The following CLDN25 variants were observed in gnomAD, a reference collection of about 807,000 sequenced individuals.
CLDN25 encodes the protein claudin-25.
For missense variants in CLDN25, 286 were observed against 279.7 expected (o/e 1.02, Z -0.16); for synonymous variants, 117 against 112.7 (o/e 1.04, Z -0.24).
exon 1 of CLDN25, chr11:113,780,254 C>T (rs376808395): frequency 1.2e-6 from 2 of 1,613,798 alleles, no homozygotes; most frequent in Non-Finnish European, 1.7e-6. Flanking sequence ...ATGACAGCAT[C>T]CCTGACATCA....
At chr11:113,780,133 T>C in exon 1 of CLDN25, 1 of 1,613,976 alleles carries the variant, frequency 6.2e-7, no homozygotes, top group East Asian at 2.2e-5. Flanking sequence ...ATCAGATGGG[T>C]ATTCAAGAGG....
At chr11:113,779,967 G>A (rs747871346) in exon 1 of CLDN25, 1 of 1,613,782 alleles carries the variant, frequency 6.2e-7, no homozygotes, top group Admixed American at 1.7e-5. Flanking sequence ...CGTGGATCGA[G>A]AGGAAGTCGC....
chr11:113,780,465 C>T (rs1387796680), exon 1 of CLDN25: 2 of 1,611,856 alleles, frequency 1.2e-6, no homozygotes, highest in Non-Finnish European at 1.7e-6. Flanking sequence ...CATGCTAAGA[C>T]CTAGGAACCT....
chr11:113,779,918 C>T lies in CLDN25; in HGVS notation c.123C>T (p.Asn41=), dbSNP rs17115958. 1.7e-3 allele frequency: 2,718 copies of T among 1,613,702 alleles called. 50 individuals are homozygous for T. In the African/African-American group the frequency reaches 0.033, roughly 20 times the overall value. The stretch of plus-strand genomic sequence containing the variant: ...GGAAGACTCTTAATCTGGAACTGAA[C>T]GAGATGGAGACCTGGATCATGGGGA... The change falls in exon 1 of 1, where the codon AAC becomes AAT. Residue 41 remains asparagine, a synonymous_variant. Transcript: ENST00000453129.
exon 1 of CLDN25, chr11:113,780,420 G>C (rs768046540): frequency 6.2e-7 from 1 of 1,613,868 alleles, no homozygotes; most frequent in East Asian, 2.2e-5. Flanking sequence ...CCTATCCTGT[G>C]CTCCAGTGGA....
exon 1 of CLDN25, chr11:113,779,876 C>T (rs1220050151): frequency 6.2e-7 from 1 of 1,614,002 alleles, no homozygotes. Flanking sequence ...CCTGTGTTAC[C>T]ACCATCCTGC....
chr11:113,779,796 A>G (rs1224286935), exon 1 of CLDN25: 1 of 1,606,972 alleles, frequency 6.2e-7, no homozygotes, highest in East Asian at 2.2e-5. Flanking sequence ...GGGAGTGACT[A>G]TGGCCTGGAG....
At chr11:113,780,410 C>T (rs371223196) in exon 1 of CLDN25, 2 of 1,613,954 alleles carry the variant, frequency 1.2e-6, no homozygotes, top group South Asian at 2.2e-5. Flanking sequence ...CCACAGTCCC[C>T]CTATCCTGTG....
exon 1 of CLDN25, chr11:113,779,815 C>T: frequency 6.2e-7 from 1 of 1,611,672 alleles, no homozygotes; most frequent in Non-Finnish European, 8.5e-7. Context: ...AGTTTCCGTG[C>T]AAAAGTCCAG....
Position 113,780,466 on chromosome 11 carries a change from C to T in CLDN25, c.671C>T (p.Pro224Leu), listed in dbSNP as rs201126695. 9.9e-5 allele frequency: 159 copies of T among 1,611,820 alleles called. 1 individual carries two copies. The African/African-American group carries it at 2.0e-3, about 21-fold the overall frequency. The change falls in exon 1 of 1, where the codon CCT becomes CTT. Residue 224 changes from proline (P) to leucine (L), a missense_variant. Transcript: ENST00000453129. ...GGCTCCTTCCACCTCATGCTAAGAC[C>T]TAGGAACCTGGTCATCTAGGACTGG...
exon 1 of CLDN25, chr11:113,779,844 T>C: frequency 6.2e-7 from 1 of 1,613,822 alleles, no homozygotes. Flanking sequence ...GCTACTTCTC[T>C]CCCTCCTTGG....
chr11:113,779,923 T>C lies in CLDN25; in HGVS notation c.128T>C (p.Met43Thr), dbSNP rs756977984. 3.1e-6 allele frequency: 5 copies of C among 1,613,588 alleles called. No homozygotes were observed. The Admixed American group carries it at 6.7e-5, about 22-fold the overall frequency. Residue 43 changes from methionine (M) to threonine (T), a missense_variant, in exon 1 of 1, where the codon ATG becomes ACG. Transcript: ENST00000453129. ...ACTCTTAATCTGGAACTGAACGAGATGGAGACCTGGATCATGGGGATTTGG... is the reference window on the plus strand; with the variant it reads ...ACTCTTAATCTGGAACTGAACGAGACGGAGACCTGGATCATGGGGATTTGG...
At chr11:113,780,218 C>T (rs1432593131) in exon 1 of CLDN25, 2 of 1,613,914 alleles carry the variant, frequency 1.2e-6, no homozygotes, top group Non-Finnish European at 1.7e-6. Context: ...CCTGGGTGGC[C>T]CATGCCACAA....
chr11:113,780,160 G>C (rs1355582986), exon 1 of CLDN25: 1 of 1,613,994 alleles, frequency 6.2e-7, no homozygotes, highest in African/African-American at 1.3e-5. Context: ...GGTCTCCTGG[G>C]AAGGACTTTG....
rs539640434 is a variant in CLDN25 at position 113,780,460 on chromosome 11, T to C, written c.665T>C (p.Leu222Pro). 3.0e-5 allele frequency: 48 copies of C among 1,613,338 alleles called. 1 individual carries two copies. In the South Asian group the frequency reaches 5.2e-4, roughly 17 times the overall value. The change falls in exon 1 of 1, where the codon CTA becomes CCA. Residue 222 changes from leucine (L) to proline (P), a missense_variant. Physicochemically the swap from Leu to Pro is moderately conservative, Grantham distance 98 (BLOSUM62 -3). Coordinates refer to ENST00000453129, the Ensembl canonical transcript of CLDN25. ...TCAGATGGCTCCTTCCACCTCATGC[T>C]AAGACCTAGGAACCTGGTCATCTAG...
exon 1 of CLDN25, chr11:113,780,140 G>A (rs955204579): frequency 3.7e-6 from 6 of 1,614,028 alleles, no homozygotes; most frequent in Non-Finnish European, 5.1e-6. Context: ...GGGTATTCAA[G>A]AGGCGGCTTG....
chr11:113,780,102 G>A (rs140547989), exon 1 of CLDN25: 1 of 1,614,040 alleles, frequency 6.2e-7, no homozygotes, highest in African/African-American at 1.3e-5. Flanking sequence ...CTTTGGGTCT[G>A]AATGCTTCCA....
chr11:113,780,151 G>T (rs1318651294), exon 1 of CLDN25: 1 of 1,613,990 alleles, frequency 6.2e-7, no homozygotes, highest in Non-Finnish European at 8.5e-7. Context: ...AGGCGGCTTG[G>T]TCTCCTGGGA....
At chr11:113,780,421 C>T in exon 1 of CLDN25, 1 of 1,613,928 alleles carries the variant, frequency 6.2e-7, no homozygotes, top group Non-Finnish European at 8.5e-7. Flanking sequence ...CTATCCTGTG[C>T]TCCAGTGGAG....
Sources: allele counts gnomAD v4.1 joint callset, GRCh38; gene constraint gnomAD v4.1.1; transcripts MANE v1.5; gene names NCBI Gene and HGNC (gene_info 2026-07-23, HGNC 2026-07-21).